The following SSBP2 variants were observed in gnomAD, a reference collection of about 807,000 sequenced individuals.
The protein encoded by SSBP2 is single-stranded DNA-binding protein 2.
A neutral mutation model predicts 61.8 loss-of-function variants in SSBP2; 17 were observed. That is an observed-to-expected ratio of 0.28 (90% CI 0.19 to 0.41). The LOEUF is 0.41. SSBP2 is among the 10% of genes least tolerant of loss of function. The pLI is 1.00. For synonymous variants in SSBP2, 139 were observed against 141.3 expected, an observed-to-expected ratio of 0.98 and a Z score of 0.12; for missense variants, 310 against 458.7, an observed-to-expected ratio of 0.68 and a Z score of 2.96.
At chr5:81,500,038 G>A (rs1379598931) in intron 5 of SSBP2, among the ~76,000 whole-genome samples, 1 of 152,098 alleles carries the variant, frequency 6.6e-6, no homozygotes, top group African/African-American at 2.4e-5. Context: ...ACTGGCCTAT[G>A]GGCTTGATCT....
intron 16 of SSBP2, among the ~76,000 whole-genome samples, chr5:81,427,670 C>T (rs750434552): frequency 2.0e-5 from 3 of 152,184 alleles, no homozygotes; most frequent in East Asian, 1.9e-4. Flanking sequence ...GTAGGTCCTC[C>T]GTAAGAAATT....
chr5:81,721,155 T>TA (rs1755518056), intron 1 of SSBP2, among the ~76,000 whole-genome samples: 1 of 152,034 alleles, frequency 6.6e-6, no homozygotes, highest in Non-Finnish European at 1.5e-5. Flanking sequence ...ATGGATACCA[T>TA]AAAAAATATA....
chr5:81,521,183 C>A (rs1448682353), intron 4 of SSBP2, among the ~76,000 whole-genome samples: 1 of 151,804 alleles, frequency 6.6e-6, no homozygotes, highest in African/African-American at 2.4e-5. Context: ...ATATTGTTTG[C>A]CTTTACCTAT....
intron 4 of SSBP2, among the ~76,000 whole-genome samples, chr5:81,606,450 A>G (rs1479010025): frequency 6.6e-6 from 1 of 152,172 alleles, no homozygotes; most frequent in African/African-American, 2.4e-5. Context: ...TGTCAGGTCA[A>G]TCCTATCTTG....
At chr5:81,562,565 A>G (rs190633836) in intron 4 of SSBP2, among the ~76,000 whole-genome samples, 1 of 152,344 alleles carries the variant, frequency 6.6e-6, no homozygotes, top group African/African-American at 2.4e-5. Flanking sequence ...TACAACATGT[A>G]TATAAGAGCA....
At chr5:81,436,308 C>G (rs1762675664) in intron 15 of SSBP2, among the ~76,000 whole-genome samples, 1 of 149,554 alleles carries the variant, frequency 6.7e-6, no homozygotes, top group Non-Finnish European at 1.5e-5. Context: ...GTTTTGAAAA[C>G]AGGCCTCATA....
rs571801483 is a variant in SSBP2 at position 81,592,272 on chromosome 5, C to A, written c.282+23201G>T. Among the ~76,000 whole-genome samples the A allele has an allele frequency of 2.1e-3, 313 of 152,362 alleles. 2 individuals are homozygous for A. Among genetic ancestry groups the A allele is most frequent in the African/African-American group, 7.3e-3 (304 of 41,590 alleles). ...AGTCCAAGATCAAACTGCAAGGCAG[C>A]AGCGAGGATGGGGGAGGGGCGCCTG... On this transcript the variant is annotated intron_variant, in intron 4 of 16. Transcript: ENST00000320672.
intron 10 of SSBP2, among the ~76,000 whole-genome samples, chr5:81,454,761 T>TAC (rs905685812): frequency 5.3e-5 from 8 of 150,972 alleles, no homozygotes; most frequent in Non-Finnish European, 1.5e-5. Context: ...GAAAAGAAAA[T>TAC]ACATATATAT....
chr5:81,469,415 C>T (rs1580763283), intron 8 of SSBP2, among the ~76,000 whole-genome samples: 1 of 151,770 alleles, frequency 6.6e-6, no homozygotes, highest in Non-Finnish European at 1.5e-5. Flanking sequence ...AAGAAACCAA[C>T]TTAAATGAGT....
At chr5:81,440,474 G>T in intron 14 of SSBP2, 84 bp downstream of exon 14, 1 of 1,164,632 alleles carries the variant, frequency 8.6e-7, no homozygotes, top group Non-Finnish European at 1.2e-6. Context: ...GGCTATGGAA[G>T]AACTTTGGAA....
At chr5:81,426,012 T>C (rs969472600) in intron 16 of SSBP2, among the ~76,000 whole-genome samples, 2 of 152,254 alleles carry the variant, frequency 1.3e-5, no homozygotes, top group Non-Finnish European at 2.9e-5. Flanking sequence ...TTCAGAGTTA[T>C]GTGTATTAAA....
chr5:81,432,758 G>T (rs929939908), intron 15 of SSBP2, among the ~76,000 whole-genome samples: 13 of 144,420 alleles, frequency 9.0e-5, no homozygotes, highest in African/African-American at 3.5e-4. Flanking sequence ...GGAGGGAGGT[G>T]GGGGGGTCAG....
chr5:81,595,674 A>G (rs543730780), intron 4 of SSBP2, among the ~76,000 whole-genome samples: 3 of 152,350 alleles, frequency 2.0e-5, no homozygotes, highest in Admixed American at 6.5e-5. Context: ...CTGGGATGCA[A>G]GGCTGGTTCA....
At chr5:81,471,497 G>A (rs11748744) in intron 8 of SSBP2, among the ~76,000 whole-genome samples, 37,009 of 151,310 alleles carry the variant, frequency 0.24, 4,710 homozygotes, top group Non-Finnish European at 0.28. Context: ...AAATCTTTTG[G>A]AAAAAAATCC....
chr5:81,583,667 T>C (rs1774855674), intron 4 of SSBP2, among the ~76,000 whole-genome samples: 1 of 151,658 alleles, frequency 6.6e-6, no homozygotes, highest in South Asian at 2.1e-4. Context: ...TGAGACACAT[T>C]TCCCATCAGA....
intron 4 of SSBP2, among the ~76,000 whole-genome samples, chr5:81,565,162 T>C (rs1051955372): frequency 2.6e-5 from 4 of 152,206 alleles, no homozygotes; most frequent in Admixed American, 1.3e-4. Context: ...TCTAGAAATA[T>C]ATTTCTAAAT....
chr5:81,573,082 A>G (rs1038140123), intron 4 of SSBP2, among the ~76,000 whole-genome samples: 1 of 152,222 alleles, frequency 6.6e-6, no homozygotes, highest in African/African-American at 2.4e-5. Flanking sequence ...AAATGTTTAT[A>G]TCATGGATAC....
At position 81,611,256 on chromosome 5, in the gene SSBP2, T is replaced by C. The variant is rs528519139; in HGVS notation, c.282+4217A>G. Among the ~76,000 whole-genome samples, 314 of 152,270 alleles carry C rather than the reference T, an allele frequency of 2.1e-3. 2 individuals are homozygous for C. The highest frequency in any genetic ancestry group is 7.3e-3 in the African/African-American group (303 of 41,546). ...ATTCAAATCTATAGTTTCGGGTAAG[T>C]GAAAGATGAGTTTTGCTAATGATTT... On this transcript the variant is annotated intron_variant, in intron 4 of 16. Transcript: ENST00000320672.
intron 5 of SSBP2, among the ~76,000 whole-genome samples, chr5:81,501,530 C>A (rs1274706713): frequency 2.0e-5 from 3 of 148,710 alleles, no homozygotes; most frequent in Admixed American, 1.3e-4. Context: ...TTACTCTATT[C>A]CCTGGTGTTG....
Sources: gnomAD v4.1 joint callset for allele counts (sites outside exome capture counted in the v4.1 genomes callset) on GRCh38, gnomAD v4.1.1 for gene constraint, MANE v1.5 for transcripts, NCBI Gene and HGNC (gene_info 2026-07-23, HGNC 2026-07-21) for gene names.